Variants in ITGA8 observed in about 807,000 individuals in gnomAD.
ITGA8 encodes the protein integrin subunit alpha 8.
Under a neutral mutation model 142.3 loss-of-function variants are expected in ITGA8, and 91 were observed. That is an observed-to-expected ratio of 0.64 (90% CI 0.54 to 0.76). The LOEUF (loss-of-function observed/expected upper bound fraction) is 0.76. Among genes scored for constraint, ITGA8 ranks in the 30% least tolerant of loss-of-function variants. ITGA8 has a pLI of 0.00. For synonymous variants in ITGA8, 505 were observed against 485.2 expected (o/e 1.04, Z -0.54); for missense variants, 1,406 against 1,327.7 (o/e 1.06, Z -0.92).
At chr10:15,575,715 C>A (rs1834277829) in intron 23 of ITGA8, 121 bp from the exon 24 acceptor site, 5 of 694,420 alleles carry the variant, frequency 7.2e-6, no homozygotes, top group Non-Finnish European at 7.6e-6. Context: ...AGTAGATACT[C>A]CCTACAGGGA....
intron 1 of ITGA8, among the ~76,000 whole-genome samples, chr10:15,719,266 C>A (rs1340756744): frequency 6.6e-6 from 1 of 152,248 alleles, no homozygotes; most frequent in Non-Finnish European, 1.5e-5. Flanking sequence ...GCGGTTTTAA[C>A]TGGCTTGGGT....
chr10:15,698,572 TA>T (rs1835100126), intron 2 of ITGA8, among the ~76,000 whole-genome samples: 1 of 152,230 alleles, frequency 6.6e-6, no homozygotes, highest in Admixed American at 6.5e-5. Context: ...CACCAACATC[TA>T]TTTTTTTAAA....
intron 7 of ITGA8, 134 bp from the exon 8 acceptor site, chr10:15,671,781 G>T: frequency 3.6e-6 from 2 of 550,938 alleles, no homozygotes; most frequent in South Asian, 2.1e-5. Flanking sequence ...AAAAGTTAAA[G>T]ATTCTATAAA....
intron 26 of ITGA8, among the ~76,000 whole-genome samples, chr10:15,552,646 T>G (rs1165268803): frequency 6.6e-6 from 1 of 152,200 alleles, no homozygotes; most frequent in African/African-American, 2.4e-5. Context: ...CAACCCGTCA[T>G]CTACATTAGA....
At chr10:15,573,806 A>C (rs1042005984) in intron 24 of ITGA8, among the ~76,000 whole-genome samples, 10 of 152,136 alleles carry the variant, frequency 6.6e-5, no homozygotes, top group African/African-American at 1.9e-4. Flanking sequence ...TGGTTTTACC[A>C]AAATTCCCTG....
At chr10:15,688,345 C>T (rs2131708474) in intron 2 of ITGA8, among the ~76,000 whole-genome samples, 1 of 149,142 alleles carries the variant, frequency 6.7e-6, no homozygotes, top group South Asian at 2.1e-4. Flanking sequence ...GTGGCTTATG[C>T]CTGTAGTCCC....
At chr10:15,529,722 AG>A (rs1395351063) in intron 28 of ITGA8, among the ~76,000 whole-genome samples, 2 of 152,242 alleles carry the variant, frequency 1.3e-5, no homozygotes, top group Admixed American at 6.5e-5. Context: ...AAAGTAGACC[AG>A]GCTAGAAAGA....
At chr10:15,525,406 A>G (rs997945184) in intron 28 of ITGA8, among the ~76,000 whole-genome samples, 2 of 151,818 alleles carry the variant, frequency 1.3e-5, no homozygotes, top group African/African-American at 4.8e-5. Context: ...ACTTTGGGAG[A>G]CCTAGGTGAG....
At chr10:15,618,593 G>C (rs1016760679) in intron 13 of ITGA8, among the ~76,000 whole-genome samples, 1 of 152,162 alleles carries the variant, frequency 6.6e-6, no homozygotes, top group Non-Finnish European at 1.5e-5. Flanking sequence ...AGTGGACTGG[G>C]AAAGGCCGAC....
At chr10:15,517,354 G>A (rs970268716) in intron 29 of ITGA8, 110 bp from the exon 30 acceptor site, 8 of 617,206 alleles carry the variant, frequency 1.3e-5, no homozygotes, top group Middle Eastern at 2.9e-4. Context: ...ACTGAGTCTC[G>A]CTCTCTATTC....
chr10:15,659,046 T>A lies in ITGA8; in HGVS notation c.901A>T (p.Ile301Phe), dbSNP rs375739322. The A allele has an allele frequency of 2.2e-4, 350 of 1,606,710 alleles. 6 individuals are homozygous for A. The East Asian group carries it at 5.0e-3, about 23-fold the overall frequency. ...GAQNFGYVSI[I>F]NSTDMTFIQN... is the part of the protein sequence containing the mutation. ...ATAAACGTCATATCCGTAGAGTTAA[T>A]GATGGAAACCTGAAATCACAGAAAT... Residue 301 changes from isoleucine (I) to phenylalanine (F), a missense_variant, in exon 10 of 30, where the codon ATT becomes TTT. By Grantham distance (21) the Ile-to-Phe change is conservative. Coordinates refer to ENST00000378076, the MANE Select transcript of ITGA8 (RefSeq NM_003638.3).
intron 27 of ITGA8, among the ~76,000 whole-genome samples, chr10:15,531,504 A>G (rs1157851313): frequency 7.3e-6 from 1 of 136,538 alleles, no homozygotes; most frequent in East Asian, 1.9e-4. Flanking sequence ...TAAAAACAGA[A>G]AATCAGAGTC....
chr10:15,664,116 G>A (rs1310923643), intron 8 of ITGA8, among the ~76,000 whole-genome samples: 1 of 152,084 alleles, frequency 6.6e-6, no homozygotes, highest in Non-Finnish European at 1.5e-5. Flanking sequence ...AATCTTAGGA[G>A]GTAGACAATA....
intron 3 of ITGA8, among the ~76,000 whole-genome samples, chr10:15,686,959 GT>G (rs57016746): frequency 7.9e-4 from 120 of 152,202 alleles, no homozygotes; most frequent in African/African-American, 2.7e-3. Flanking sequence ...GCCCCAAACA[GT>G]TATTACAGAG....
At chr10:15,677,726 T>C in intron 5 of ITGA8, 89 bp from the exon 6 acceptor site, 1 of 1,293,532 alleles carries the variant, frequency 7.7e-7, no homozygotes, top group Non-Finnish European at 1.1e-6. Flanking sequence ...TAATAAGCAT[T>C]GCTCTAACAA....
chr10:15,608,413 AC>A, intron 15 of ITGA8, 123 bp from the exon 16 acceptor site: 2 of 590,598 alleles, frequency 3.4e-6, no homozygotes, highest in South Asian at 2.1e-5. Flanking sequence ...ACACACACAC[AC>A]ACACACACAC....
At chr10:15,528,855 T>G (rs1444414872) in intron 28 of ITGA8, among the ~76,000 whole-genome samples, 1 of 152,066 alleles carries the variant, frequency 6.6e-6, no homozygotes, top group Non-Finnish European at 1.5e-5. Context: ...AAAGAGGTGG[T>G]CTAAATGAAG....
intron 2 of ITGA8, among the ~76,000 whole-genome samples, chr10:15,693,524 C>T (rs1304682277): frequency 1.3e-5 from 2 of 152,060 alleles, no homozygotes; most frequent in African/African-American, 4.8e-5. Context: ...TCTGGAAATC[C>T]TCACCCAAAG....
At chr10:15,606,807 TTC>T (rs1330219655) in intron 17 of ITGA8, among the ~76,000 whole-genome samples, 4 of 152,144 alleles carry the variant, frequency 2.6e-5, no homozygotes, top group Non-Finnish European at 5.9e-5. Context: ...AATTTATGAG[TTC>T]TCTCTTGGGG....
Sources: gnomAD v4.1 joint callset for allele counts (sites outside exome capture counted in the v4.1 genomes callset) on GRCh38, gnomAD v4.1.1 for gene constraint, MANE v1.5 for transcripts, NCBI Gene and HGNC (gene_info 2026-07-23, HGNC 2026-07-21) for gene names.